Variants in ALDOB observed in about 807,000 individuals in gnomAD.
ALDOB encodes the protein fructose-bisphosphate aldolase B.
Under a neutral mutation model 41.0 loss-of-function variants are expected in ALDOB, and 39 were observed. The ratio of observed to expected loss-of-function variants is 0.95; its 90% confidence interval spans 0.74 to 1.24. The LOEUF is 1.24. Ranked by LOEUF, ALDOB falls within the 50% of genes most tolerant of loss-of-function variation. ALDOB has a pLI of 0.00. For synonymous variants in ALDOB, 175 were observed against 168.8 expected (o/e 1.04, Z -0.28); for missense variants, 530 against 457.3 (o/e 1.16, Z -1.45).
chr9:101,429,972 G>A lies in ALDOB; in HGVS notation c.113-6C>T, dbSNP rs1831193738. The stretch of plus-strand genomic sequence containing the variant: ...CAGGCGGTTCCCCATGGTACCTATG[G>A]TGGGAGGGCCAAGGGCAGCATAAGG... On this transcript the variant is annotated splice_polypyrimidine_tract_variant and splice_region_variant and intron_variant, in intron 2 of 8. Transcript: ENST00000647789. The A allele has an allele frequency of 6.2e-7, 1 of 1,613,808 alleles. No individual in the cohort carries two copies. Among genetic ancestry groups the A allele is most frequent in the Non-Finnish European group, 8.5e-7 (1 of 1,179,842 alleles).
intron 8 of ALDOB, 46 bp downstream of exon 8, chr9:101,424,797 C>T (rs1437514665): frequency 3.1e-6 from 5 of 1,606,688 alleles, no homozygotes; most frequent in East Asian, 2.2e-5. Context: ...AAGTCAAGCC[C>T]CAAATGTGAA....
At position 101,427,525 on chromosome 9, in the gene ALDOB, T is replaced by A; in HGVS notation, c.497A>T (p.Glu166Val). 1.2e-6 allele frequency: 2 copies of A among 1,614,188 alleles called. No individual in the cohort carries two copies. The highest frequency in any genetic ancestry group is 1.7e-6 in the Non-Finnish European group (2 of 1,180,026). Residue 166 changes from glutamate (E) to valine (V), a missense_variant, in exon 5 of 9, where the codon GAA (glutamate) becomes GTA (valine). Transcript: ENST00000647789. ...DQCPSSLAIQENANALARYAS... is the reference protein window; with the variant it reads ...DQCPSSLAIQVNANALARYAS... ...GTAGCGAGCCAGGGCGTTGGCGTTTTCCTGGATAGCGAGGCTGGATGGACA... is the reference window on the plus strand; with the variant it reads ...GTAGCGAGCCAGGGCGTTGGCGTTTACCTGGATAGCGAGGCTGGATGGACA...
At position 101,421,446 on chromosome 9, in the gene ALDOB, CTG is replaced by C; in HGVS notation, c.*361_*362del. 2.8e-6 allele frequency: 1 copy of C among 356,834 alleles called. No homozygotes were observed. The highest frequency in any genetic ancestry group is 5.5e-6 in the Non-Finnish European group (1 of 182,952). The allele number at this position is 356,834 out of a possible 1,614,324, so 22.1% of individuals were successfully genotyped here. On this transcript the variant is annotated 3_prime_UTR_variant, in exon 9 of 9. Transcript: ENST00000647789. ...CCTTCCCAACCTACCACTGCTAAGACTGTTTCATAAGATGCACTTCTCTACAC... is the reference window on the plus strand; with the variant it reads ...CCTTCCCAACCTACCACTGCTAAGACTTTCATAAGATGCACTTCTCTACAC...
intron 3 of ALDOB, 65 bp from the exon 4 acceptor site, chr9:101,428,588 ACT>A (rs1831165931): frequency 7.5e-7 from 1 of 1,334,304 alleles, no homozygotes; most frequent in Non-Finnish European, 1.1e-6. Flanking sequence ...TCTTGAACTA[ACT>A]AACAGTTTGC....
intron 7 of ALDOB, 74 bp from the exon 8 acceptor site, chr9:101,425,116 C>A: frequency 2.0e-6 from 3 of 1,530,648 alleles, no homozygotes; most frequent in Non-Finnish European, 2.7e-6. Context: ...AGCAATGAAC[C>A]TACCAGAAAA....
At chr9:101,422,324 T>G (rs1017169063) in intron 8 of ALDOB, among the ~76,000 whole-genome samples, 1 of 152,260 alleles carries the variant, frequency 6.6e-6, no homozygotes, top group African/African-American at 2.4e-5. Context: ...TATCATTTGC[T>G]TTCCTGTATA....
Position 101,425,595 on chromosome 9 carries a change from G to A in ALDOB, c.657C>T (p.Asp219=), listed in dbSNP as rs897846555. 1.2e-6 allele frequency: 2 copies of A among 1,614,024 alleles called. No homozygotes were observed. Among genetic ancestry groups the A allele is most frequent in the Non-Finnish European group, 1.7e-6 (2 of 1,180,030 alleles). ...GGGTGCCCTCCAGGTAAACATGATG[G>A]TCATTCAGGGCCTTGTAGACAGCAG... The part of the protein sequence containing the change: ...VLAAVYKALN[D]HHVYLEGTLL... Residue 219 remains aspartate, a synonymous_variant, in exon 7 of 9, where the codon GAC becomes GAT. Coordinates refer to ENST00000647789, the MANE Select transcript of ALDOB (RefSeq NM_000035.4).
rs369216708 is a variant in ALDOB at position 101,428,549 on chromosome 9, G to A, written c.325-26C>T. ...CTGTGGATACAAATAATTAACAGGT[G>A]TCAGATGTCAGGAAAACACAAGCAG... On this transcript the variant is annotated intron_variant, in intron 3 of 8. Transcript: ENST00000647789. 20 of 1,582,782 alleles carry A rather than the reference G, an allele frequency of 1.3e-5. No homozygotes were observed. The African/African-American group carries it at 2.0e-4, about 16-fold the overall frequency.
In ALDOB at chr9:101,429,945, T is replaced by C. The variant is rs758508874; in HGVS notation, c.134A>G (p.Gln45Arg). Residue 45 changes from glutamine (Q) to arginine (R), a missense_variant, in exon 3 of 9, where the codon CAG (glutamine) becomes CGG (arginine). Physicochemically the swap from Gln to Arg is conservative, Grantham distance 43 (BLOSUM62 1). Coordinates refer to ENST00000647789, the MANE Select transcript of ALDOB (RefSeq NM_000035.4). ...TTCAGTGTTTTCCACCTTGATCCTC[T>C]GCAGGCGGTTCCCCATGGTACCTAT... ...ESVGTMGNRL[Q>R]RIKVENTEEN... 1.2e-6 allele frequency: 2 copies of C among 1,614,164 alleles called. No homozygotes were observed. The highest frequency in any genetic ancestry group is 3.3e-5 in the Admixed American group (2 of 60,026).
rs552993241 is a variant in ALDOB at position 101,420,857 on chromosome 9, A to G, written c.*952T>C. The G allele has an allele frequency of 1.3e-5, 2 of 152,320 alleles. No homozygotes were observed. The highest frequency in any genetic ancestry group is 2.4e-5 in the African/African-American group (1 of 41,570). The allele number at this position is 152,320 out of a possible 1,614,324, so 9.4% of individuals were successfully genotyped here. Reference sequence around the variant, plus strand: ...GGTTAATTCTGAAAATTGAAAGTCAATACAGTATCATTATGTGAATATTAT... The same window carrying G: ...GGTTAATTCTGAAAATTGAAAGTCAGTACAGTATCATTATGTGAATATTAT... On this transcript the variant is annotated 3_prime_UTR_variant, in exon 9 of 9. Coordinates refer to ENST00000647789, the MANE Select transcript of ALDOB (RefSeq NM_000035.4).
At chr9:101,434,623 C>A (rs370988485) in intron 1 of ALDOB, among the ~76,000 whole-genome samples, 33 of 152,278 alleles carry the variant, frequency 2.2e-4, no homozygotes, top group South Asian at 1.7e-3. Flanking sequence ...CATTATCCAC[C>A]CCAATGTCCC....
intron 8 of ALDOB, among the ~76,000 whole-genome samples, chr9:101,423,927 C>A (rs987011103): frequency 6.6e-6 from 1 of 152,106 alleles, no homozygotes; most frequent in Non-Finnish European, 1.5e-5. Context: ...TGAATAAAAA[C>A]TTTGTTGGTC....
chr9:101,430,970 G>A (rs1204901604), intron 1 of ALDOB, 73 bp from the exon 2 acceptor site: 9 of 1,033,580 alleles, frequency 8.7e-6, no homozygotes, highest in African/African-American at 1.6e-5. Flanking sequence ...AAGACAGTTG[G>A]GGGTGCAGAC....
chr9:101,422,048 A>G, intron 8 of ALDOB, 144 bp from the exon 9 acceptor site: 1 of 724,704 alleles, frequency 1.4e-6, no homozygotes, highest in Non-Finnish European at 2.5e-6. Context: ...TGCTGGGGAT[A>G]CCATCCCCTT....
At chr9:101,430,233 C>CCT (rs1344826413) in intron 2 of ALDOB, among the ~76,000 whole-genome samples, 1 of 152,126 alleles carries the variant, frequency 6.6e-6, no homozygotes, top group African/African-American at 2.4e-5. Flanking sequence ...GGCCCTCAGG[C>CCT]CTCTCTAGCC....
At position 101,430,803 on chromosome 9, in the gene ALDOB, C is replaced by G. The variant is rs1264756715; in HGVS notation, c.85G>C (p.Gly29Arg). ...IAQSIVANGK[G>R]ILAADESVGT... is the part of the protein sequence containing the mutation. ...ACAGATTCATCTGCAGCCAGGATCCCCTTTCCATTGGCAACAATGCTCTGG... is the reference window on the plus strand; with the variant it reads ...ACAGATTCATCTGCAGCCAGGATCCGCTTTCCATTGGCAACAATGCTCTGG... Residue 29 changes from glycine (G) to arginine (R), a missense_variant, in exon 2 of 9, where the codon GGG becomes CGG. Transcript: ENST00000647789. The G allele has an allele frequency of 6.2e-7, 1 of 1,613,998 alleles. No individual in the cohort carries two copies. The highest frequency in any genetic ancestry group is 8.5e-7 in the Non-Finnish European group (1 of 1,179,864).
At chr9:101,426,497 T>C (rs983478214) in intron 6 of ALDOB, 58 bp downstream of exon 6, 2 of 1,045,646 alleles carry the variant, frequency 1.9e-6, no homozygotes, top group Non-Finnish European at 3.0e-6. Flanking sequence ...AAGTAACAGC[T>C]GTTACCTAAA....
At position 101,425,016 on chromosome 9, in the gene ALDOB, T is replaced by G. The variant is rs920770196; in HGVS notation, c.826A>C (p.Ser276Arg). Residue 276 changes from serine to arginine, a missense_variant, in exon 8 of 9, where the codon AGT becomes CGT. Coordinates refer to ENST00000647789, the MANE Select transcript of ALDOB (RefSeq NM_000035.4). ...PGICFLSGGMSEEDATLNLNA... is the reference protein window; with the variant it reads ...PGICFLSGGMREEDATLNLNA... ...AGGTTGAGAGTGGCATCCTCTTCAC[T>G]CATGCCACCAGACAAAAAGCAGATG... The G allele has an allele frequency of 1.2e-6, 2 of 1,614,058 alleles. No individual in the cohort carries two copies. The highest frequency in any genetic ancestry group is 2.7e-5 in the African/African-American group (2 of 74,932).
chr9:101,425,288 T>G (rs1387849244), intron 7 of ALDOB, among the ~76,000 whole-genome samples, 165 bp downstream of exon 7: 1 of 152,130 alleles, frequency 6.6e-6, no homozygotes, highest in Non-Finnish European at 1.5e-5. Context: ...TTGGGCAGAC[T>G]TGGGATGCTT....
Sources: allele counts gnomAD v4.1 joint callset (sites outside exome capture counted in the v4.1 genomes callset), GRCh38; gene constraint gnomAD v4.1.1; transcripts MANE v1.5; gene names NCBI Gene and HGNC (gene_info 2026-07-23, HGNC 2026-07-21).